CNKSR3: variants seen among roughly 807,000 people sequenced by gnomAD.
CNKSR3 encodes CNKSR family member 3, also known as connector enhancer of kinase suppressor of ras 3.
In CNKSR3, 36 loss-of-function variants were observed where a neutral mutation model predicts 67.7. The observed-to-expected ratio is 0.53, with a 90% CI of 0.41 to 0.70. The LOEUF is 0.70. Ranked by LOEUF, CNKSR3 falls within the 30% of genes least tolerant of loss-of-function variation. The pLI is 0.00. For missense variants in CNKSR3, 630 were observed against 695.2 expected (o/e 0.91, Z 1.05); for synonymous variants, 281 against 271.4 (o/e 1.04, Z -0.35).
intron 1 of CNKSR3, among the ~76,000 whole-genome samples, chr6:154,489,536 AAAC>A (rs1786742306): frequency 2.2e-5 from 1 of 46,100 alleles, no homozygotes; most frequent in Non-Finnish European, 7.0e-5. Context: ...ATCTCAAAAC[AAAC>A]AAACAAACAA....
chr6:154,493,994 G>T (rs1786831031), intron 1 of CNKSR3, among the ~76,000 whole-genome samples: 1 of 152,102 alleles, frequency 6.6e-6, no homozygotes, highest in South Asian at 2.1e-4. Context: ...TCCACTGAAA[G>T]CTTCACTTCC....
chr6:154,410,640 C>T (rs1057481856), intron 11 of CNKSR3, among the ~76,000 whole-genome samples: 1 of 152,104 alleles, frequency 6.6e-6, no homozygotes, highest in Non-Finnish European at 1.5e-5. Context: ...TAAACTTGAG[C>T]CTGTGAGTCT....
chr6:154,428,970 T>C (rs1006436805), intron 6 of CNKSR3, among the ~76,000 whole-genome samples: 1 of 152,156 alleles, frequency 6.6e-6, no homozygotes, highest in Non-Finnish European at 1.5e-5. Context: ...TAACAAAGCA[T>C]AGGTAGCAAA....
At chr6:154,440,944 T>G (rs776627761) in intron 4 of CNKSR3, among the ~76,000 whole-genome samples, 1 of 151,590 alleles carries the variant, frequency 6.6e-6, no homozygotes, top group African/African-American at 2.4e-5. Context: ...AGTAAAGTAC[T>G]CAGAACAAAG....
chr6:154,422,775 G>C (rs3818848), intron 8 of CNKSR3, 123 bp from the exon 9 acceptor site: 3 of 1,181,056 alleles, frequency 2.5e-6, no homozygotes, highest in East Asian at 2.4e-5. Flanking sequence ...ATAGGCAGGC[G>C]TAAGTATGCT....
At chr6:154,442,379 T>C in intron 2 of CNKSR3, 89 bp from the exon 3 acceptor site, 1 of 1,116,880 alleles carries the variant, frequency 9.0e-7, no homozygotes, top group East Asian at 2.4e-5. Context: ...TCCTAGCACT[T>C]TGGGAGGCTG....
At position 154,394,475 on chromosome 6, in the gene CNKSR3, T is replaced by C. The variant is rs555405543; in HGVS notation, c.*11879A>G. The stretch of plus-strand genomic sequence containing the variant: ...GGAGCAACCCAAGTCCCTGAGTCAC[T>C]AGCTAGAGGACAGCCACAGAGCATT... On this transcript the variant is annotated 3_prime_UTR_variant, in exon 13 of 13. Coordinates refer to ENST00000607772, the MANE Select transcript of CNKSR3 (RefSeq NM_173515.4). The C allele has an allele frequency of 3.3e-5, 5 of 152,166 alleles. No individual in the cohort carries two copies. In the South Asian group the frequency reaches 8.3e-4, roughly 25 times the overall value. The allele number at this position is 152,166 out of a possible 1,614,324, so 9.4% of individuals were successfully genotyped here.
At chr6:154,409,203 T>C (rs1016875725) in intron 12 of CNKSR3, among the ~76,000 whole-genome samples, 1 of 152,158 alleles carries the variant, frequency 6.6e-6, no homozygotes, top group East Asian at 1.9e-4. Context: ...ATCAATCCCT[T>C]TGGAAGGTTA....
At chr6:154,455,950 A>T (rs972272290) in intron 1 of CNKSR3, among the ~76,000 whole-genome samples, 3 of 152,142 alleles carry the variant, frequency 2.0e-5, no homozygotes, top group Non-Finnish European at 4.4e-5. Flanking sequence ...AAGTGTAGAA[A>T]GGATTATATA....
At chr6:154,427,191 T>C (rs1190331623) in intron 7 of CNKSR3, among the ~76,000 whole-genome samples, 1 of 152,212 alleles carries the variant, frequency 6.6e-6, no homozygotes, top group Non-Finnish European at 1.5e-5. Context: ...CAGTATCATT[T>C]TCTCACTACA....
intron 1 of CNKSR3, among the ~76,000 whole-genome samples, chr6:154,465,624 C>A (rs1380620626): frequency 6.6e-6 from 1 of 152,134 alleles, no homozygotes; most frequent in African/African-American, 2.4e-5. Flanking sequence ...AACACAGAAA[C>A]GTTCACAGAT....
At chr6:154,470,188 CTTTTTTTTTTTTT>C (rs869154714) in intron 1 of CNKSR3, among the ~76,000 whole-genome samples, 6 of 68,724 alleles carry the variant, frequency 8.7e-5, no homozygotes, top group Non-Finnish European at 1.6e-4. Flanking sequence ...ACTTTCTTTC[CTTTTTTTTTTTTT>C]TTTTTTTTTT....
intron 1 of CNKSR3, among the ~76,000 whole-genome samples, chr6:154,482,093 G>T (rs934115178): frequency 6.6e-6 from 1 of 152,096 alleles, no homozygotes; most frequent in Non-Finnish European, 1.5e-5. Context: ...TTGCCCTTTG[G>T]GTCAACCTTA....
At chr6:154,410,139 G>T (rs1183687003) in intron 12 of CNKSR3, among the ~76,000 whole-genome samples, 1 of 152,144 alleles carries the variant, frequency 6.6e-6, no homozygotes, top group Non-Finnish European at 1.5e-5. Flanking sequence ...CACTAACTAG[G>T]ATTATATAAT....
chr6:154,396,686 T>C lies in CNKSR3; in HGVS notation c.*9668A>G, dbSNP rs1464780756. The C allele has an allele frequency of 2.6e-5, 4 of 152,218 alleles. No homozygotes were observed. The highest frequency in any genetic ancestry group is 9.6e-5 in the African/African-American group (4 of 41,458). The allele number at this position is 152,218 out of a possible 1,614,324, so 9.4% of individuals were successfully genotyped here. On this transcript the variant is annotated 3_prime_UTR_variant, in exon 13 of 13. Transcript: ENST00000607772. ...ACCTCATATGGATGACCTTGGGACTTACTGGGGTAACTAGACCGAGAAGGA... is the reference window on the plus strand; with the variant it reads ...ACCTCATATGGATGACCTTGGGACTCACTGGGGTAACTAGACCGAGAAGGA...
At chr6:154,407,188 C>T (rs1784813558) in intron 12 of CNKSR3, among the ~76,000 whole-genome samples, 1 of 152,130 alleles carries the variant, frequency 6.6e-6, no homozygotes, top group African/African-American at 2.4e-5. Flanking sequence ...AGGTAGCACA[C>T]GGGTCTCCTT....
intron 4 of CNKSR3, among the ~76,000 whole-genome samples, chr6:154,440,273 T>C (rs1342223378): frequency 6.6e-6 from 1 of 152,138 alleles, no homozygotes; most frequent in Non-Finnish European, 1.5e-5. Flanking sequence ...CAGAATTGCA[T>C]CTCTGTTATG....
At chr6:154,441,261 AAAAAG>A (rs1304617060) in intron 4 of CNKSR3, 26 bp downstream of exon 4, 7 of 1,403,914 alleles carry the variant, frequency 5.0e-6, no homozygotes, top group South Asian at 1.3e-5. Context: ...AAAAAAAAAA[AAAAAG>A]AAAGTGAAAA....
At chr6:154,444,485 G>C (rs1411302812) in intron 2 of CNKSR3, among the ~76,000 whole-genome samples, 1 of 152,076 alleles carries the variant, frequency 6.6e-6, no homozygotes, top group Non-Finnish European at 1.5e-5. Context: ...TGATAAGACA[G>C]ATGACAAGAT....
Sources: allele counts gnomAD v4.1 joint callset (sites outside exome capture counted in the v4.1 genomes callset), GRCh38; gene constraint gnomAD v4.1.1; transcripts MANE v1.5; gene names NCBI Gene and HGNC (gene_info 2026-07-23, HGNC 2026-07-21).